PLA2G7: variants seen among roughly 807,000 people sequenced by gnomAD.
The protein encoded by PLA2G7 is phospholipase A2 group VII, also known as platelet-activating factor acetylhydrolase.
A neutral mutation model predicts 49.6 loss-of-function variants in PLA2G7; 63 were observed. The observed-to-expected ratio is 1.27, with a 90% CI of 1.04 to 1.57. The LOEUF is 1.57. PLA2G7 is among the 40% of genes most tolerant of loss of function. PLA2G7 has a pLI of 0.00. For missense variants in PLA2G7, 596 were observed against 521.2 expected, an observed-to-expected ratio of 1.14 and a Z score of -1.40; for synonymous variants, 193 against 169.9, an observed-to-expected ratio of 1.14 and a Z score of -1.06.
At chr6:46,712,963 A>G (rs549637673) in intron 5 of PLA2G7, among the ~76,000 whole-genome samples, 1 of 152,322 alleles carries the variant, frequency 6.6e-6, no homozygotes, top group South Asian at 2.1e-4. Context: ...AAGTCACAAT[A>G]TTTTTGCTGC....
chr6:46,707,486 T>C (rs1474213500), intron 10 of PLA2G7, among the ~76,000 whole-genome samples: 1 of 152,146 alleles, frequency 6.6e-6, no homozygotes, highest in Non-Finnish European at 1.5e-5. Flanking sequence ...TTTCACACCA[T>C]CCCCCTTGGT....
rs150471892 is a variant in PLA2G7 at position 46,716,442 on chromosome 6, A to T, written c.318T>A (p.Gly106=). The T allele has an allele frequency of 6.2e-7, 1 of 1,614,004 alleles. No individual in the cohort carries two copies. The highest frequency in any genetic ancestry group is 1.3e-5 in the African/African-American group (1 of 75,004). ...AGTGTGTTCCAAGAAATTTGCTAAG[A>T]CCCCAAAAATATTCTTTATTTGGGA... ...LWIPNKEYFW[G]LSKFLGTHWL... is the part of the protein sequence containing the mutation. Residue 106 remains glycine, a synonymous_variant, in exon 4 of 12, where the codon GGT becomes GGA. Transcript: ENST00000274793.
Position 46,722,852 on chromosome 6 carries a change from C to T in PLA2G7, c.40G>A (p.Gly14Ser), listed in dbSNP as rs140122839. Reference sequence around the variant, plus strand: ...AAAGGATAAACCACAGCCAGGCAGCCGCAGAGGCAGAAAAGCACATGCAAT... The same window carrying T: ...AAAGGATAAACCACAGCCAGGCAGCTGCAGAGGCAGAAAAGCACATGCAAT... ...PKLHVLFCLCGCLAVVYPFDW... is the reference protein window; with the variant it reads ...PKLHVLFCLCSCLAVVYPFDW... Residue 14 changes from glycine (G) to serine (S), a missense_variant, in exon 2 of 12, where the codon GGC becomes AGC. Transcript: ENST00000274793. The T allele has an allele frequency of 1.4e-5, 22 of 1,613,700 alleles. No homozygotes were observed. The highest frequency in any genetic ancestry group is 1.1e-4 in the East Asian group (5 of 44,878).
intron 1 of PLA2G7, among the ~76,000 whole-genome samples, chr6:46,724,123 C>T (rs887503157): frequency 3.3e-5 from 5 of 152,158 alleles, no homozygotes; most frequent in East Asian, 1.9e-4. Flanking sequence ...GACACTTTCC[C>T]GGTTCAATCT....
rs1026712680 is a variant in PLA2G7, at chr6:46,726,651, CT to C, written c.-34-3727del. On this transcript the variant is annotated intron_variant, in intron 1 of 11. Transcript: ENST00000274793. Reference sequence around the variant, plus strand: ...TCACTGGTCAATACAAAAACACAAACTTTTTTTTTTTGGAGATGGAGTCTCA... The same window carrying C: ...TCACTGGTCAATACAAAAACACAAACTTTTTTTTTTGGAGATGGAGTCTCA... Among the ~76,000 whole-genome samples, 1,345 of 146,986 alleles carry C rather than the reference CT, an allele frequency of 9.2e-3. 24 individuals carry two copies. Among genetic ancestry groups the C allele is most frequent in the African/African-American group, 0.03 (1,224 of 40,400 alleles).
chr6:46,723,427 A>G (rs758677385), intron 1 of PLA2G7, among the ~76,000 whole-genome samples: 8 of 152,170 alleles, frequency 5.3e-5, no homozygotes, highest in African/African-American at 9.7e-5. Flanking sequence ...TAATCCTACT[A>G]TGATATAAGT....
chr6:46,705,158 T>G lies in PLA2G7; in HGVS notation c.1184A>C (p.His395Pro). ...TGAAAAAAATAGTTTCTTACCTAAA[T>G]GCTTTTGTAAGAATGCTAATGAAGC... ...NKASLAFLQK[H>P]LGLHKDFDQW... Residue 395 changes from histidine (H) to proline (P), a missense_variant, in exon 11 of 12, where the codon CAT becomes CCT. Physicochemically the swap from His to Pro is moderately conservative, Grantham distance 77. Transcript: ENST00000274793. 2 of 1,606,238 alleles carry G rather than the reference T, an allele frequency of 1.2e-6. No homozygotes were observed. The highest frequency in any genetic ancestry group is 1.7e-6 in the Non-Finnish European group (2 of 1,173,240).
chr6:46,709,505 T>C, intron 8 of PLA2G7, 87 bp from the exon 9 acceptor site: 1 of 786,774 alleles, frequency 1.3e-6, no homozygotes, highest in Non-Finnish European at 2.3e-6. Context: ...GTTCATTTCA[T>C]GGGGATGGTT....
At chr6:46,723,066 T>C in intron 1 of PLA2G7, 141 bp from the exon 2 acceptor site, 1 of 613,002 alleles carries the variant, frequency 1.6e-6, no homozygotes, top group East Asian at 3.0e-5. Context: ...TTTAGATTGG[T>C]ACTACAATGG....
intron 5 of PLA2G7, among the ~76,000 whole-genome samples, chr6:46,713,301 G>A (rs577788346): frequency 1.3e-5 from 2 of 152,258 alleles, no homozygotes; most frequent in East Asian, 1.9e-4. Context: ...CAAGAGGGGG[G>A]AATGATATAG....
intron 3 of PLA2G7, 99 bp from the exon 4 acceptor site, chr6:46,716,627 C>T: frequency 1.6e-6 from 2 of 1,224,864 alleles, no homozygotes; most frequent in Non-Finnish European, 1.2e-6. Flanking sequence ...TCAAATACCT[C>T]TGTGTTCACA....
chr6:46,716,557 A>G, intron 3 of PLA2G7, 29 bp from the exon 4 acceptor site: 1 of 1,610,194 alleles, frequency 6.2e-7, no homozygotes, highest in South Asian at 1.1e-5. Flanking sequence ...ATGCACTTTT[A>G]GAGAAGTTGT....
intron 1 of PLA2G7, among the ~76,000 whole-genome samples, chr6:46,731,262 C>T (rs986008575): frequency 6.6e-6 from 1 of 152,174 alleles, no homozygotes; most frequent in African/African-American, 2.4e-5. Flanking sequence ...AGAGAAAATT[C>T]AAGAGCTTCC....
rs1765831506 is a variant in PLA2G7 at position 46,734,412 on chromosome 6, G to GTC, written c.-35+767_-35+768insGA. ...GAGAGGTGTGTAGTGGTGTGTGTGT[G>GTC]TGTGAGAGAGAGAGAGAGAGAGAGA... On this transcript the variant is annotated intron_variant, in intron 1 of 11. Transcript: ENST00000274793. 7.3e-5 allele frequency among the ~76,000 whole-genome samples: 6 copies of GTC among 81,774 alleles called. 1 individual carries two copies. The South Asian group carries it at 2.6e-3, about 35-fold the overall frequency. The allele number at this position is 81,774 out of a possible 152,430, so 53.6% of individuals were successfully genotyped here. A position where few individuals can be genotyped will look rare whatever the true frequency, so the allele number is the denominator to read the frequency against.
rs968412916 is a variant in PLA2G7 at position 46,705,384 on chromosome 6, T to G, written c.1041-83A>C. 14 of 1,100,846 alleles carry G rather than the reference T, an allele frequency of 1.3e-5. No homozygotes were observed. The Admixed American group carries it at 1.5e-4, about 11-fold the overall frequency. The allele number at this position is 1,100,846 out of a possible 1,614,324, so 68.2% of individuals were successfully genotyped here. On this transcript the variant is annotated intron_variant, in intron 10 of 11. Coordinates refer to ENST00000274793, the MANE Select transcript of PLA2G7 (RefSeq NM_005084.4). ...AGTTAGAGTGTAAGAAAGGTACTGG[T>G]CTTGTTGGTCTGTTTACTGAAAACC... is the stretch of plus-strand genomic sequence containing the variant.
chr6:46,707,626 T>C (rs765872402), intron 10 of PLA2G7, among the ~76,000 whole-genome samples: 9 of 152,180 alleles, frequency 5.9e-5, no homozygotes, highest in Non-Finnish European at 1.2e-4. Context: ...TCCACCATAA[T>C]TGTAAGTTTC....
Position 46,722,742 on chromosome 6 carries a change from CAG to C in PLA2G7, c.109+39_109+40del, listed in dbSNP as rs138788353. 1,142 of 1,195,864 alleles carry C rather than the reference CAG, an allele frequency of 9.5e-4. 13 individuals are homozygous for C. In the East Asian group the frequency reaches 0.02, roughly 21 times the overall value. The allele number at this position is 1,195,864 out of a possible 1,614,324, so 74.1% of individuals were successfully genotyped here. Reference sequence around the variant, plus strand: ...TTGGGGCCCACTTGAAGTATGGCGACAGATCAGTTGCTCAAGACCTTGAACAA... The same window carrying C: ...TTGGGGCCCACTTGAAGTATGGCGACATCAGTTGCTCAAGACCTTGAACAA... On this transcript the variant is annotated intron_variant, in intron 2 of 11. Transcript: ENST00000274793.
At chr6:46,706,994 C>T (rs568978207) in intron 10 of PLA2G7, among the ~76,000 whole-genome samples, 17 of 151,660 alleles carry the variant, frequency 1.1e-4, no homozygotes, top group African/African-American at 3.2e-4. Flanking sequence ...TCCTTCCTGC[C>T]TCTTCTCTTC....
At chr6:46,730,979 T>TAAAA (rs1360257598) in intron 1 of PLA2G7, among the ~76,000 whole-genome samples, 1 of 152,144 alleles carries the variant, frequency 6.6e-6, no homozygotes, top group Admixed American at 6.5e-5. Context: ...GACCAATAAA[T>TAAAA]AATTAAGGGG....
Sources: gnomAD v4.1 joint callset for allele counts (sites outside exome capture counted in the v4.1 genomes callset) on GRCh38, gnomAD v4.1.1 for gene constraint, MANE v1.5 for transcripts, NCBI Gene and HGNC (gene_info 2026-07-23, HGNC 2026-07-21) for gene names.